The following CAMTA1 variants were observed in gnomAD, a reference collection of about 807,000 sequenced individuals.
CAMTA1 encodes the protein calmodulin binding transcription activator 1, also known as calmodulin-binding transcription activator 1.
A neutral mutation model predicts 170.9 loss-of-function variants in CAMTA1; 27 were observed. That is an observed-to-expected ratio of 0.16 (90% confidence interval 0.12 to 0.22). The LOEUF is 0.22. CAMTA1 is among the 10% of genes least tolerant of loss of function. CAMTA1 has a pLI of 1.00. For synonymous variants in CAMTA1, 833 were observed against 891.5 expected, an observed-to-expected ratio of 0.93 and a Z score of 1.17; for missense variants, 1,619 against 2,217.2, an observed-to-expected ratio of 0.73 and a Z score of 5.42.
intron 3 of CAMTA1, among the ~76,000 whole-genome samples, chr1:7,055,594 C>G (rs1171550743): frequency 1.3e-5 from 2 of 152,220 alleles, no homozygotes; most frequent in African/African-American, 4.8e-5. Context: ...GTGCCGGATG[C>G]CATGGGAAGT....
At chr1:7,578,797 C>T (rs1199941628) in intron 6 of CAMTA1, among the ~76,000 whole-genome samples, 1 of 152,158 alleles carries the variant, frequency 6.6e-6, no homozygotes, top group Non-Finnish European at 1.5e-5. Context: ...GCAAGAGGCC[C>T]ACTCTCTCAA....
intron 5 of CAMTA1, among the ~76,000 whole-genome samples, chr1:7,332,078 A>G (rs2083069396): frequency 6.6e-6 from 1 of 152,182 alleles, no homozygotes; most frequent in Admixed American, 6.5e-5. Context: ...CATGCTTCAC[A>G]GTTGATGTTT....
Position 7,561,882 on chromosome 1 carries a change from G to GA in CAMTA1, c.511-78517dup, listed in dbSNP as rs923383113. 5.3e-5 allele frequency among the ~76,000 whole-genome samples: 8 copies of GA among 152,124 alleles called. No individual in the cohort carries two copies. The highest frequency in any genetic ancestry group is 1.2e-4 in the Non-Finnish European group (8 of 68,032). ...CGGCCTGGAGGAGGAAGCCATCCTC[G>GA]AGGCAGCCTTCACCAGCATGTGTCA... is the stretch of plus-strand genomic sequence containing the variant. On this transcript the variant is annotated intron_variant, in intron 6 of 22. Coordinates refer to ENST00000303635, the MANE Select transcript of CAMTA1 (RefSeq NM_015215.4). The surrounding 1 kb of genome is among the most constrained non-coding windows in gnomAD (Gnocchi z 5.3).
At chr1:7,282,477 G>C (rs183701606) in intron 5 of CAMTA1, among the ~76,000 whole-genome samples, 1 of 152,244 alleles carries the variant, frequency 6.6e-6, no homozygotes, top group Admixed American at 6.5e-5. Flanking sequence ...CAACTGGACG[G>C]GTGGTTTCTA....
At chr1:7,048,714 G>A (rs1414264170) in intron 3 of CAMTA1, among the ~76,000 whole-genome samples, 5 of 152,190 alleles carry the variant, frequency 3.3e-5, no homozygotes, top group African/African-American at 4.8e-5. Context: ...TCTTGAGTCC[G>A]AAGTGAGCGG....
At chr1:7,610,944 C>T (rs905998655) in intron 6 of CAMTA1, among the ~76,000 whole-genome samples, 1 of 152,184 alleles carries the variant, frequency 6.6e-6, no homozygotes, top group Non-Finnish European at 1.5e-5. Flanking sequence ...GGTCCCAGGC[C>T]CCCAGGCAGA....
chr1:6,846,496 G>T (rs1209616616), intron 3 of CAMTA1, among the ~76,000 whole-genome samples: 1 of 152,208 alleles, frequency 6.6e-6, no homozygotes, highest in Non-Finnish European at 1.5e-5. Context: ...AAATGGATAT[G>T]AAGGTTTTTT....
At chr1:7,254,654 G>C (rs528859852) in intron 5 of CAMTA1, among the ~76,000 whole-genome samples, 37 of 148,542 alleles carry the variant, frequency 2.5e-4, no homozygotes, top group Non-Finnish European at 4.4e-4. Context: ...TGGGCACTTA[G>C]GCCACATATA....
chr1:7,306,283 G>C (rs1248224317), intron 5 of CAMTA1, among the ~76,000 whole-genome samples: 1 of 151,896 alleles, frequency 6.6e-6, no homozygotes, highest in Non-Finnish European at 1.5e-5. Context: ...GATCCATTCT[G>C]AGCTAACTTT....
chr1:6,954,407 A>G (rs1234432731), intron 3 of CAMTA1, among the ~76,000 whole-genome samples: 3 of 152,224 alleles, frequency 2.0e-5, no homozygotes, highest in African/African-American at 7.2e-5. Flanking sequence ...ATTTATCCTC[A>G]TAAACCATAG....
Position 7,635,613 on chromosome 1 carries a change from A to G in CAMTA1, c.511-4787A>G, listed in dbSNP as rs1558034683. The stretch of plus-strand genomic sequence containing the variant: ...GACAGAGCAAGACTCCGTCTCAAAA[A>G]AAAAAAAAAAAAAATACAGGGCCCT... On this transcript the variant is annotated intron_variant, in intron 6 of 22. Coordinates refer to ENST00000303635, the MANE Select transcript of CAMTA1 (RefSeq NM_015215.4). This position sits in a 1 kb window ranked among gnomAD's most constrained non-coding sequence, Gnocchi z 4.4. Among the ~76,000 whole-genome samples the G allele has an allele frequency of 2.0e-5, 3 of 151,302 alleles. No homozygotes were observed.
chr1:7,500,282 A>G (rs1476760532), intron 6 of CAMTA1, among the ~76,000 whole-genome samples: 2 of 125,148 alleles, frequency 1.6e-5, no homozygotes, highest in Non-Finnish European at 3.2e-5. Flanking sequence ...GTGCGTGCAT[A>G]TGTATATGAG....
rs1313665010 is a variant in CAMTA1, at chr1:7,634,092, C to T, written c.511-6308C>T. ...GGGCCTGATCTCAGTGCCAAGGAGC[C>T]GTCCGGAACAGCCCAACCACGCCTG... On this transcript the variant is annotated intron_variant, in intron 6 of 22. Coordinates refer to ENST00000303635, the MANE Select transcript of CAMTA1 (RefSeq NM_015215.4). The surrounding 1 kb of genome is among the most constrained non-coding windows in gnomAD (Gnocchi z 6.2). Among the ~76,000 whole-genome samples, 1 of 152,220 alleles carries T rather than the reference C, an allele frequency of 6.6e-6. No homozygotes were observed. Among genetic ancestry groups the T allele is most frequent in the South Asian group, 2.1e-4 (1 of 4,816 alleles).
chr1:7,101,090 T>A (rs1642662511), intron 4 of CAMTA1, among the ~76,000 whole-genome samples: 1 of 152,144 alleles, frequency 6.6e-6, no homozygotes, highest in African/African-American at 2.4e-5. Context: ...GATCGATAAG[T>A]ATTTGCATGC....
chr1:7,661,977 A>AGGGGGACAGTCAGGGACTG, intron 8 of CAMTA1, 111 bp downstream of exon 8: 2 of 1,303,638 alleles, frequency 1.5e-6, no homozygotes, highest in South Asian at 2.8e-5. Flanking sequence ...GTGAGGGAGG[A>AGGGGGACAGTCAGGGACTG]GGGGGACAGT....
chr1:7,066,897 T>C (rs1709035519), intron 3 of CAMTA1, among the ~76,000 whole-genome samples: 1 of 152,238 alleles, frequency 6.6e-6, no homozygotes, highest in Non-Finnish European at 1.5e-5. Flanking sequence ...CATTGTCCTT[T>C]ACCCAGGTGA....
chr1:7,263,836 G>T (rs184115456), intron 5 of CAMTA1, among the ~76,000 whole-genome samples: 56 of 152,292 alleles, frequency 3.7e-4, no homozygotes, highest in Admixed American at 1.8e-3. Flanking sequence ...TGAGCATTTA[G>T]GCAGCAAAAG....
Position 7,349,687 on chromosome 1 carries a change from C to T in CAMTA1, c.438+100061C>T, listed in dbSNP as rs144637555. Among the ~76,000 whole-genome samples the T allele has an allele frequency of 1.3e-3, 195 of 152,274 alleles. 1 individual carries two copies. The highest frequency in any genetic ancestry group is 4.5e-3 in the African/African-American group (186 of 41,558). On this transcript the variant is annotated intron_variant, in intron 5 of 22. Transcript: ENST00000303635. The stretch of plus-strand genomic sequence containing the variant: ...CTCATCTCCTCTTATATAAGGTGAC[C>T]GGTCAGACTGGATCAGGGCCTGCCC...
chr1:7,350,614 AT>A (rs954137564), intron 5 of CAMTA1, among the ~76,000 whole-genome samples: 8 of 150,658 alleles, frequency 5.3e-5, no homozygotes, highest in South Asian at 2.1e-4. Flanking sequence ...AGAAAATTTC[AT>A]TTTTTTTTCT....
Sources: allele counts gnomAD v4.1 joint callset (sites outside exome capture counted in the v4.1 genomes callset), GRCh38; gene constraint gnomAD v4.1.1; non-coding constraint Gnocchi (gnomAD v3.1); transcripts MANE v1.5; gene names NCBI Gene and HGNC (gene_info 2026-07-23, HGNC 2026-07-21).